The following CPNE4 variants were observed in gnomAD, a reference collection of about 807,000 sequenced individuals.
The protein encoded by CPNE4 is copine 4.
CPNE4 carries 25 observed loss-of-function variants against 67.9 expected under a neutral mutation model. The observed-to-expected ratio is 0.37, with a 90% CI of 0.27 to 0.51. The LOEUF (loss-of-function observed/expected upper bound fraction) is 0.51. Among genes scored for constraint, CPNE4 ranks in the 20% least tolerant of loss-of-function variants. CPNE4 has a pLI of 0.93. For synonymous variants in CPNE4, 242 were observed against 244.9 expected, an observed-to-expected ratio of 0.99 and a Z score of 0.11; for missense variants, 464 against 690.8, an observed-to-expected ratio of 0.67 and a Z score of 3.68.
chr3:131,782,293 T>C (rs1458773273), intron 2 of CPNE4, among the ~76,000 whole-genome samples: 4 of 152,088 alleles, frequency 2.6e-5, no homozygotes, highest in Non-Finnish European at 5.9e-5. Flanking sequence ...CAAAAGATTT[T>C]TTATTTACTA....
chr3:132,001,910 T>C (rs2073461685), intron 1 of CPNE4, among the ~76,000 whole-genome samples: 1 of 152,154 alleles, frequency 6.6e-6, no homozygotes, highest in African/African-American at 2.4e-5. Context: ...ACAAAATTTC[T>C]TTTCCAACTT....
intron 1 of CPNE4, among the ~76,000 whole-genome samples, chr3:131,946,227 A>T (rs1481773387): frequency 6.6e-6 from 1 of 152,022 alleles, no homozygotes; most frequent in Non-Finnish European, 1.5e-5. Flanking sequence ...TTCCATCTCT[A>T]TGGATTTCTC....
At chr3:131,554,948 TTC>T (rs755055675) in intron 12 of CPNE4, among the ~76,000 whole-genome samples, 2 of 152,126 alleles carry the variant, frequency 1.3e-5, no homozygotes, top group South Asian at 4.1e-4. Context: ...TTTGCCTTTT[TTC>T]TGTCATGAGA....
intron 2 of CPNE4, among the ~76,000 whole-genome samples, chr3:131,860,219 T>G (rs1192556690): frequency 6.6e-6 from 1 of 152,190 alleles, no homozygotes; most frequent in Non-Finnish European, 1.5e-5. Context: ...TGGGAGATAA[T>G]GATGGTCACA....
At chr3:131,781,234 C>T (rs1396025781) in intron 2 of CPNE4, among the ~76,000 whole-genome samples, 1 of 152,054 alleles carries the variant, frequency 6.6e-6, no homozygotes, top group African/African-American at 2.4e-5. Flanking sequence ...GACATTTCCC[C>T]TGGTATTTTA....
chr3:131,899,032 G>A (rs946564924), intron 2 of CPNE4, among the ~76,000 whole-genome samples: 1 of 152,046 alleles, frequency 6.6e-6, no homozygotes, highest in Non-Finnish European at 1.5e-5. Flanking sequence ...TCAACAAAGT[G>A]TGAACAGAAA....
chr3:131,988,069 G>A (rs1472542147), intron 1 of CPNE4, among the ~76,000 whole-genome samples: 2 of 152,146 alleles, frequency 1.3e-5, no homozygotes, highest in African/African-American at 4.8e-5. Flanking sequence ...CTATGAGTAG[G>A]TGACACAGAC....
chr3:131,866,393 G>C (rs1446319918), intron 2 of CPNE4, among the ~76,000 whole-genome samples: 1 of 152,196 alleles, frequency 6.6e-6, no homozygotes. Context: ...AAATGACAGT[G>C]GCAGCTTCAT....
At chr3:131,974,581 C>T (rs2072594261) in intron 1 of CPNE4, among the ~76,000 whole-genome samples, 1 of 152,196 alleles carries the variant, frequency 6.6e-6, no homozygotes, top group South Asian at 2.1e-4. Context: ...CAAATGTGAT[C>T]TGATTCATTA....
chr3:131,979,696 A>C (rs909040640), intron 1 of CPNE4, among the ~76,000 whole-genome samples: 29 of 151,918 alleles, frequency 1.9e-4, no homozygotes, highest in African/African-American at 7.0e-4. Flanking sequence ...TTAGTATTGA[A>C]ATGTGAGGTA....
intron 7 of CPNE4, among the ~76,000 whole-genome samples, chr3:131,596,617 G>T (rs1333434042): frequency 3.0e-5 from 1 of 32,878 alleles, no homozygotes; most frequent in Non-Finnish European, 4.6e-5. Flanking sequence ...GCGAGACTCC[G>T]TCTCAAAAAA....
At chr3:131,903,753 C>T (rs78380275) in intron 2 of CPNE4, among the ~76,000 whole-genome samples, 3 of 152,144 alleles carry the variant, frequency 2.0e-5, no homozygotes, top group Non-Finnish European at 4.4e-5. Flanking sequence ...CAGACTAGTG[C>T]CTGGCACTTA....
intron 2 of CPNE4, among the ~76,000 whole-genome samples, chr3:131,764,781 G>A (rs2082968651): frequency 6.6e-6 from 1 of 152,108 alleles, no homozygotes; most frequent in South Asian, 2.1e-4. Flanking sequence ...TTTACTGGTA[G>A]AACCCTAAGA....
At chr3:131,986,508 C>G (rs761384129) in intron 1 of CPNE4, among the ~76,000 whole-genome samples, 41 of 152,250 alleles carry the variant, frequency 2.7e-4, no homozygotes, top group Non-Finnish European at 5.6e-4. Flanking sequence ...AACAAAAAAG[C>G]AGGCAAATCT....
chr3:131,622,841 C>T (rs895512013), intron 7 of CPNE4, among the ~76,000 whole-genome samples: 1 of 152,146 alleles, frequency 6.6e-6, no homozygotes, highest in Non-Finnish European at 1.5e-5. Context: ...GATCTGCCTC[C>T]ACAGGAGTTT....
At chr3:131,857,393 G>T (rs929063403) in intron 2 of CPNE4, among the ~76,000 whole-genome samples, 5 of 152,002 alleles carry the variant, frequency 3.3e-5, no homozygotes, top group African/African-American at 4.8e-5. Flanking sequence ...GGCAGGAAAT[G>T]CTTCCTTATT....
At chr3:131,633,773 A>T (rs570390339) in intron 7 of CPNE4, among the ~76,000 whole-genome samples, 32 of 151,160 alleles carry the variant, frequency 2.1e-4, no homozygotes, top group African/African-American at 5.9e-4. Context: ...TTTATTTTTA[A>T]AAAAAAGAAC....
chr3:131,896,380 T>C (rs2107754834), intron 2 of CPNE4, among the ~76,000 whole-genome samples: 1 of 152,222 alleles, frequency 6.6e-6, no homozygotes, highest in East Asian at 1.9e-4. Context: ...TAACAGATAT[T>C]CTTTAAACCA....
At chr3:131,974,817 G>A (rs2072602579) in intron 1 of CPNE4, among the ~76,000 whole-genome samples, 1 of 152,122 alleles carries the variant, frequency 6.6e-6, no homozygotes. Context: ...AGACCAGCCT[G>A]GGCAACATGG....
Sources: allele counts gnomAD v4.1 joint callset (sites outside exome capture counted in the v4.1 genomes callset), GRCh38; gene constraint gnomAD v4.1.1; transcripts MANE v1.5; gene names NCBI Gene and HGNC (gene_info 2026-07-23, HGNC 2026-07-21).